The following MACC1 variants were observed in gnomAD, a reference collection of about 807,000 sequenced individuals.
MACC1 encodes the protein MET transcriptional regulator MACC1.
A neutral mutation model predicts 70.7 loss-of-function variants in MACC1; 79 were observed. The observed-to-expected ratio is 1.12, with a 90% CI of 0.93 to 1.35. The LOEUF is 1.35. MACC1 is among the 40% of genes most tolerant of loss of function. MACC1 has a pLI of 0.00. For missense variants in MACC1, 1,106 were observed against 978.1 expected (o/e 1.13, Z -1.74); for synonymous variants, 361 against 347.2 (o/e 1.04, Z -0.44).
At chr7:20,168,570 C>T (rs1020158122) in intron 2 of MACC1, among the ~76,000 whole-genome samples, 2 of 152,186 alleles carry the variant, frequency 1.3e-5, no homozygotes, top group African/African-American at 2.4e-5. Context: ...ACAGTATCCT[C>T]GGTCCCACCT....
At chr7:20,143,366 A>G (rs542630199) in intron 6 of MACC1, among the ~76,000 whole-genome samples, 13 of 152,226 alleles carry the variant, frequency 8.5e-5, no homozygotes, top group Middle Eastern at 3.4e-3. Context: ...CACATTTGGC[A>G]ATTTGTTGTT....
chr7:20,145,644 G>A (rs1781879624), intron 6 of MACC1, among the ~76,000 whole-genome samples: 1 of 152,058 alleles, frequency 6.6e-6, no homozygotes. Flanking sequence ...GGCTTAAAGA[G>A]GTAGCATATA....
chr7:20,178,730 AG>A (rs1210184133), intron 1 of MACC1, among the ~76,000 whole-genome samples: 1 of 152,090 alleles, frequency 6.6e-6, no homozygotes, highest in Non-Finnish European at 1.5e-5. Flanking sequence ...CTTCCTGAGT[AG>A]CTGGGATTAC....
In MACC1 at chr7:20,154,396, A is replaced by T; in HGVS notation, c.2158-15T>A. 6.2e-7 allele frequency: 1 copy of T among 1,606,680 alleles called. No homozygotes were observed. Among genetic ancestry groups the T allele is most frequent in the Non-Finnish European group, 8.5e-7 (1 of 1,175,902 alleles). ...TTCAGAAGAGCCTGCAGCAACAATTACATGTCACAATTAAAAGCAACTAAC... is the reference window on the plus strand; with the variant it reads ...TTCAGAAGAGCCTGCAGCAACAATTTCATGTCACAATTAAAAGCAACTAAC... On this transcript the variant is annotated splice_polypyrimidine_tract_variant and intron_variant, in intron 5 of 6. Transcript: ENST00000400331.
intron 5 of MACC1, among the ~76,000 whole-genome samples, chr7:20,155,285 G>A (rs1782039164): frequency 7.9e-5 from 12 of 152,218 alleles, no homozygotes; most frequent in Admixed American, 7.9e-4. Flanking sequence ...CTGTCCAGTG[G>A]ATGCCTGAAA....
chr7:20,140,804 C>A lies in MACC1; in HGVS notation c.*142G>T. On this transcript the variant is annotated 3_prime_UTR_variant, in exon 7 of 7. Transcript: ENST00000400331. ...CTTTTCTGAGATTCTTTCTTTCCTACACACACACACACACACACACAGACA... is the reference window on the plus strand; with the variant it reads ...CTTTTCTGAGATTCTTTCTTTCCTAAACACACACACACACACACACAGACA... 1 of 54,750 alleles carries A rather than the reference C, an allele frequency of 1.8e-5. No homozygotes were observed. Among genetic ancestry groups the A allele is most frequent in the African/African-American group, 7.9e-5 (1 of 12,584 alleles). The allele number at this position is 54,750 out of a possible 1,614,324, so 3.4% of individuals were successfully genotyped here.
chr7:20,181,303 G>A (rs1305016320), intron 1 of MACC1, among the ~76,000 whole-genome samples: 3 of 151,888 alleles, frequency 2.0e-5, no homozygotes, highest in Admixed American at 1.3e-4. Flanking sequence ...TGGAGTCTTT[G>A]TAACAAGCAT....
intron 5 of MACC1, among the ~76,000 whole-genome samples, chr7:20,155,147 C>A (rs1782037227): frequency 6.6e-6 from 1 of 152,020 alleles, no homozygotes; most frequent in Admixed American, 6.6e-5. Context: ...GCCTTGAGTA[C>A]CATTTTTAAA....
chr7:20,154,109 C>T (rs377301118), intron 6 of MACC1, 84 bp downstream of exon 6: 6 of 1,393,244 alleles, frequency 4.3e-6, no homozygotes, highest in South Asian at 2.5e-5. Context: ...CCAGTGAATC[C>T]GTGAATGTGG....
Position 20,141,092 on chromosome 7 carries a change from C to G in MACC1, c.2413G>C (p.Asp805His), listed in dbSNP as rs1474367966. The change falls in exon 7 of 7, where the codon GAT (aspartate) becomes CAT (histidine). Residue 805 changes from aspartate (D) to histidine (H), a missense_variant. Asp to His is a moderately conservative substitution (Grantham distance 81). Transcript: ENST00000400331. ...GCTGACTGAAGGTCTTGTAACACAT[C>G]TCTGTAGTTATTTCCATAGTGAGCA... Reference protein sequence around the residue: ...WSAHYGNNYRDVLQDLQSALD... With the variant: ...WSAHYGNNYRHVLQDLQSALD... 6.2e-7 allele frequency: 1 copy of G among 1,613,574 alleles called. No homozygotes were observed.
intron 1 of MACC1, among the ~76,000 whole-genome samples, chr7:20,206,099 C>A (rs750339145): frequency 3.0e-4 from 45 of 151,524 alleles, no homozygotes; most frequent in Admixed American, 1.3e-3. Context: ...TTGGTAAATC[C>A]ACTACCCAGG....
chr7:20,164,961 C>T (rs118066469), intron 2 of MACC1, among the ~76,000 whole-genome samples: 3 of 151,442 alleles, frequency 2.0e-5, no homozygotes, highest in South Asian at 2.1e-4. Context: ...GGCAAATAAC[C>T]GTTGATATGA....
intron 1 of MACC1, among the ~76,000 whole-genome samples, chr7:20,215,484 G>C (rs936039787): frequency 1.3e-5 from 2 of 152,184 alleles, no homozygotes; most frequent in Non-Finnish European, 2.9e-5. Context: ...TGCCTCTGCA[G>C]CTTTCCTCCA....
chr7:20,140,932 C>T lies in MACC1; in HGVS notation c.*14G>A. 6.3e-7 allele frequency: 1 copy of T among 1,598,772 alleles called. No individual in the cohort carries two copies. The highest frequency in any genetic ancestry group is 8.5e-7 in the Non-Finnish European group (1 of 1,169,760). Reference sequence around the variant, plus strand: ...ACCTCATTTTCCCTCCCATCAAAAACACACGCTTTGTTTCTATACTTCCTC... The same window carrying T: ...ACCTCATTTTCCCTCCCATCAAAAATACACGCTTTGTTTCTATACTTCCTC... On this transcript the variant is annotated 3_prime_UTR_variant, in exon 7 of 7. Coordinates refer to ENST00000400331, the MANE Select transcript of MACC1 (RefSeq NM_182762.4).
chr7:20,145,160 G>T (rs903719523), intron 6 of MACC1, among the ~76,000 whole-genome samples: 5 of 152,116 alleles, frequency 3.3e-5, no homozygotes, highest in East Asian at 3.9e-4. Context: ...CCCTCTGCAG[G>T]GTTGGTTGGT....
intron 1 of MACC1, among the ~76,000 whole-genome samples, chr7:20,211,032 G>A (rs2128109470): frequency 6.6e-6 from 1 of 152,264 alleles, no homozygotes; most frequent in East Asian, 1.9e-4. Flanking sequence ...ATGTGTGTAT[G>A]TATGCTCTTT....
intron 2 of MACC1, among the ~76,000 whole-genome samples, chr7:20,167,640 C>T (rs922989705): frequency 6.6e-6 from 1 of 151,402 alleles, no homozygotes; most frequent in East Asian, 1.9e-4. Flanking sequence ...CTACACAACA[C>T]TTTCTACCTA....
chr7:20,205,628 C>A (rs1323700626), intron 1 of MACC1, among the ~76,000 whole-genome samples: 2 of 152,132 alleles, frequency 1.3e-5, no homozygotes, highest in Non-Finnish European at 2.9e-5. Context: ...TTTGACCATT[C>A]TTCCCTGTTT....
intron 1 of MACC1, among the ~76,000 whole-genome samples, chr7:20,181,127 A>G (rs563738605): frequency 2.5e-4 from 38 of 152,022 alleles, no homozygotes; most frequent in African/African-American, 9.2e-4. Flanking sequence ...ATTTACTTAT[A>G]AAGTAAAAAT....
Sources: gnomAD v4.1 joint callset for allele counts (sites outside exome capture counted in the v4.1 genomes callset) on GRCh38, gnomAD v4.1.1 for gene constraint, MANE v1.5 for transcripts, NCBI Gene and HGNC (gene_info 2026-07-23, HGNC 2026-07-21) for gene names.